The following NEDD9 variants were observed in gnomAD, a reference collection of about 807,000 sequenced individuals.
The protein encoded by NEDD9 is enhancer of filamentation 1.
In NEDD9, 26 loss-of-function variants were observed where a neutral mutation model predicts 76.6. That is an observed-to-expected ratio of 0.34 (90% CI 0.25 to 0.47). NEDD9 has a LOEUF of 0.47. Among genes scored for constraint, NEDD9 ranks in the 20% least tolerant of loss-of-function variants. The pLI is 1.00. For missense variants in NEDD9, 937 were observed against 1,058.5 expected (o/e 0.89, Z 1.59); for synonymous variants, 392 against 414.2 (o/e 0.95, Z 0.65).
chr6:11,250,458 T>C (rs1272787252), intron 3 of NEDD9, among the ~76,000 whole-genome samples: 4 of 152,162 alleles, frequency 2.6e-5, no homozygotes, highest in Non-Finnish European at 5.9e-5. Flanking sequence ...TCCTCAAGTG[T>C]TCTTAACACA....
chr6:11,337,129 A>G (rs1762177423), intron 1 of NEDD9, among the ~76,000 whole-genome samples: 1 of 152,148 alleles, frequency 6.6e-6, no homozygotes, highest in South Asian at 2.1e-4. Flanking sequence ...GAGGCAGAGG[A>G]ATCTCTTGAA....
rs1487024156 is a variant in NEDD9, at chr6:11,370,131, T to G, written c.-214+12008A>C. ...GTCTTTTCCCTAAGGAACATTTCGT[T>G]TAATGATGAAATAGACACATCTCTC... On this transcript the variant is annotated intron_variant, in intron 1 of 3. Transcript: ENST00000397378. The surrounding 1 kb of genome is among the most constrained non-coding windows in gnomAD (Gnocchi z 4.2). Among the ~76,000 whole-genome samples, 3 of 152,166 alleles carry G rather than the reference T, an allele frequency of 2.0e-5. No individual in the cohort carries two copies. Among genetic ancestry groups the G allele is most frequent in the Non-Finnish European group, 4.4e-5 (3 of 68,026 alleles).
In NEDD9 at chr6:11,190,426, G is replaced by A. The variant is rs1174446942; in HGVS notation, c.1443C>T (p.Leu481=). The change falls in exon 5 of 7, where the codon CTC becomes CTT. Residue 481 remains leucine (L), a synonymous_variant. Transcript: ENST00000379446. The surrounding 1 kb of genome is among the most constrained non-coding windows in gnomAD (Gnocchi z 5.8). ...ANAACLPELI[L]HNKMKRELQR... ...GCAGCTCCCGCTTCATCTTGTTGTG[G>A]AGGATGAGTTCCGGGAGGCAGGCAG... 1 of 1,614,064 alleles carries A rather than the reference G, an allele frequency of 6.2e-7. No individual in the cohort carries two copies. The highest frequency in any genetic ancestry group is 2.2e-5 in the East Asian group (1 of 44,890).
intron 1 of NEDD9, among the ~76,000 whole-genome samples, chr6:11,372,161 C>T (rs1762890056): frequency 6.6e-6 from 1 of 151,766 alleles, no homozygotes; most frequent in Non-Finnish European, 1.5e-5. Flanking sequence ...CTACCCTTCC[C>T]AGCCCCTGGT....
At chr6:11,342,515 A>G (rs1762293761) in intron 1 of NEDD9, among the ~76,000 whole-genome samples, 2 of 152,246 alleles carry the variant, frequency 1.3e-5, no homozygotes, top group Admixed American at 6.5e-5. Flanking sequence ...ACAATGAAAC[A>G]ACATCTTTGG....
chr6:11,321,948 T>C (rs1004676535), intron 2 of NEDD9, among the ~76,000 whole-genome samples: 1 of 152,128 alleles, frequency 6.6e-6, no homozygotes, highest in Non-Finnish European at 1.5e-5. Flanking sequence ...AACGAGAGAC[T>C]GGATAAAGAA....
chr6:11,194,009 G>C (rs12205037), intron 2 of NEDD9, among the ~76,000 whole-genome samples: 1 of 151,720 alleles, frequency 6.6e-6, no homozygotes, highest in South Asian at 2.1e-4. Flanking sequence ...ACAGGTGCAC[G>C]CCACCATGCC....
At chr6:11,292,406 C>G (rs1456591602) in intron 3 of NEDD9, among the ~76,000 whole-genome samples, 1 of 152,186 alleles carries the variant, frequency 6.6e-6, no homozygotes, top group East Asian at 1.9e-4. Flanking sequence ...TAATCAAACC[C>G]AGAAAGCCTT....
chr6:11,318,455 G>T (rs1761645115), intron 2 of NEDD9, among the ~76,000 whole-genome samples: 1 of 152,150 alleles, frequency 6.6e-6, no homozygotes, highest in Non-Finnish European at 1.5e-5. Context: ...CTGCATCATT[G>T]TCTGTGATCG....
chr6:11,289,374 T>C (rs1231390741), intron 3 of NEDD9, among the ~76,000 whole-genome samples: 1 of 152,248 alleles, frequency 6.6e-6, no homozygotes, highest in Non-Finnish European at 1.5e-5. Flanking sequence ...CTATTATTAT[T>C]GTTATTTGAT....
chr6:11,185,795 T>G, intron 6 of NEDD9, 124 bp from the exon 7 acceptor site: 1 of 1,154,132 alleles, frequency 8.7e-7, no homozygotes, highest in Non-Finnish European at 1.2e-6. Flanking sequence ...GCATGTGAGC[T>G]GTAAAGCCTG....
chr6:11,195,204 T>C (rs770363071), intron 2 of NEDD9, among the ~76,000 whole-genome samples: 2 of 152,206 alleles, frequency 1.3e-5, no homozygotes, highest in Non-Finnish European at 2.9e-5. Context: ...TGGCTTTTAA[T>C]CCCTAGTGCT....
chr6:11,271,903 G>C (rs1760315292), intron 3 of NEDD9: 1 of 152,156 alleles, frequency 6.6e-6, no homozygotes, highest in Admixed American at 6.5e-5. Flanking sequence ...AGCTGCATTT[G>C]GGCCCCTGCT....
At chr6:11,210,423 G>A (rs1414447673) in intron 2 of NEDD9, among the ~76,000 whole-genome samples, 2 of 151,958 alleles carry the variant, frequency 1.3e-5, no homozygotes, top group Non-Finnish European at 2.9e-5. Context: ...TCTAGTTCTG[G>A]GCTCATATTA....
intron 1 of NEDD9, among the ~76,000 whole-genome samples, chr6:11,229,744 T>C (rs758802139): frequency 1.3e-5 from 2 of 152,334 alleles, no homozygotes; most frequent in Non-Finnish European, 2.9e-5. Flanking sequence ...GCAACCTTCC[T>C]GTGGACAAAT....
intron 1 of NEDD9, among the ~76,000 whole-genome samples, chr6:11,365,619 A>G (rs888475803): frequency 1.2e-4 from 19 of 152,224 alleles, no homozygotes; most frequent in African/African-American, 4.1e-4. Context: ...GATGAGGTAA[A>G]ACTGGAAGGA....
chr6:11,325,609 G>A (rs1484330146), intron 2 of NEDD9, among the ~76,000 whole-genome samples: 9 of 152,210 alleles, frequency 5.9e-5, no homozygotes, highest in South Asian at 4.2e-4. Context: ...ATTAAATAGC[G>A]AATAAGAATG....
intron 2 of NEDD9, among the ~76,000 whole-genome samples, chr6:11,313,170 T>C (rs564890079): frequency 1.6e-4 from 25 of 152,144 alleles, no homozygotes; most frequent in African/African-American, 5.3e-4. Context: ...GATGGGTAGA[T>C]AGATGAATAT....
intron 3 of NEDD9, among the ~76,000 whole-genome samples, chr6:11,295,870 C>G (rs1284800682): frequency 6.6e-6 from 1 of 152,170 alleles, no homozygotes; most frequent in Non-Finnish European, 1.5e-5. Flanking sequence ...TCAAACTGTT[C>G]CTGTAGACAC....
Sources: gnomAD v4.1 joint callset for allele counts (sites outside exome capture counted in the v4.1 genomes callset) on GRCh38, gnomAD v4.1.1 for gene constraint, Gnocchi (gnomAD v3.1) non-coding constraint, MANE v1.5 for transcripts, NCBI Gene and HGNC (gene_info 2026-07-23, HGNC 2026-07-21) for gene names.